The following NDST4 variants were observed in gnomAD, a reference collection of about 807,000 sequenced individuals.
The protein encoded by NDST4 is N-deacetylase and N-sulfotransferase 4, also known as N-heparan sulfate sulfotransferase 4.
A neutral mutation model predicts 100.8 loss-of-function variants in NDST4; 63 were observed. The ratio of observed to expected loss-of-function variants is 0.62; its 90% CI spans 0.51 to 0.77. The LOEUF (loss-of-function observed/expected upper bound fraction) is 0.77. Ranked by LOEUF, NDST4 falls within the 30% of genes least tolerant of loss-of-function variation. The probability of loss-of-function intolerance (pLI) is 0.00; values close to 1 mark genes in which losing one functional copy is unlikely to be tolerated. For synonymous variants in NDST4, 377 were observed against 361.8 expected (o/e 1.04, Z -0.48); for missense variants, 943 against 1,018.4 (o/e 0.93, Z 1.01).
At chr4:114,960,775 A>T (rs1726245644) in intron 4 of NDST4, among the ~76,000 whole-genome samples, 1 of 152,200 alleles carries the variant, frequency 6.6e-6, no homozygotes, top group African/African-American at 2.4e-5. Context: ...ATATTGAAGT[A>T]AGGAAGTAAC....
chr4:114,951,374 T>C (rs1361453822), intron 4 of NDST4, among the ~76,000 whole-genome samples: 1 of 152,086 alleles, frequency 6.6e-6, no homozygotes, highest in Non-Finnish European at 1.5e-5. Context: ...TTAGAATGTC[T>C]TGTTTCTGTT....
chr4:114,852,588 A>T, intron 8 of NDST4, 137 bp downstream of exon 8: 1 of 571,260 alleles, frequency 1.8e-6, no homozygotes. Context: ...TGGAGATGAC[A>T]AGCAGTTCAA....
At chr4:115,020,585 T>C (rs1346462537) in intron 2 of NDST4, among the ~76,000 whole-genome samples, 1 of 152,064 alleles carries the variant, frequency 6.6e-6, no homozygotes, top group South Asian at 2.1e-4. Context: ...AACTTTTGCA[T>C]GGCAGGAGGA....
chr4:114,994,407 GC>G (rs1161444941), intron 2 of NDST4, among the ~76,000 whole-genome samples: 1 of 151,868 alleles, frequency 6.6e-6, no homozygotes, highest in Non-Finnish European at 1.5e-5. Flanking sequence ...AAATCTCCTT[GC>G]TTTTTTTCTG....
chr4:115,039,451 T>G (rs1728302598), intron 2 of NDST4, among the ~76,000 whole-genome samples: 1 of 149,902 alleles, frequency 6.7e-6, no homozygotes, highest in Non-Finnish European at 1.5e-5. Context: ...AAAAAAAAAC[T>G]TGTTGGTCAA....
chr4:114,931,286 T>C (rs1725507888), intron 6 of NDST4, among the ~76,000 whole-genome samples: 1 of 151,802 alleles, frequency 6.6e-6, no homozygotes. Flanking sequence ...AAACAAATTA[T>C]TTAGAGGTGC....
chr4:115,097,799 A>C (rs1365607735), intron 1 of NDST4, among the ~76,000 whole-genome samples: 2 of 152,132 alleles, frequency 1.3e-5, no homozygotes, highest in Non-Finnish European at 2.9e-5. Flanking sequence ...ACACAGTTCT[A>C]CCAAGTATTC....
chr4:114,929,164 G>C (rs72681421), intron 6 of NDST4, among the ~76,000 whole-genome samples: 11,592 of 114,030 alleles, frequency 0.1, 493 homozygotes, highest in African/African-American at 0.14. Context: ...ATCTATCTAT[G>C]TATCTAAATC....
chr4:114,877,228 C>T (rs1337692611), intron 6 of NDST4, among the ~76,000 whole-genome samples: 1 of 152,096 alleles, frequency 6.6e-6, no homozygotes, highest in Non-Finnish European at 1.5e-5. Context: ...TTTTATTTAC[C>T]TGGTGAATTT....
At chr4:115,056,106 C>G (rs1177335876) in intron 2 of NDST4, among the ~76,000 whole-genome samples, 1 of 152,072 alleles carries the variant, frequency 6.6e-6, no homozygotes, top group Non-Finnish European at 1.5e-5. Flanking sequence ...AATTCCAGCA[C>G]TTCGTGAGGT....
chr4:115,091,931 TAC>T (rs930548169), intron 1 of NDST4, among the ~76,000 whole-genome samples: 4 of 152,106 alleles, frequency 2.6e-5, no homozygotes, highest in Non-Finnish European at 5.9e-5. Flanking sequence ...CATAAATGAG[TAC>T]TAAATAACAC....
chr4:114,986,826 A>ATTT lies in NDST4; in HGVS notation c.979-9553_979-9552insAAA, dbSNP rs1438396923. 1.4e-4 allele frequency among the ~76,000 whole-genome samples: 17 copies of ATTT among 117,320 alleles called. 1 individual carries two copies. Among genetic ancestry groups the ATTT allele is most frequent in the African/African-American group, 5.7e-4 (16 of 28,158 alleles). The allele number at this position is 117,320 out of a possible 152,430, so 77.0% of individuals were successfully genotyped here. On this transcript the variant is annotated intron_variant, in intron 2 of 13. Transcript: ENST00000264363. ...TATATATATATATATATATATATAT[A>ATTT]TATATATTTTAATATACTATTCCTA...
chr4:115,006,295 A>G (rs918087098), intron 2 of NDST4, among the ~76,000 whole-genome samples: 3 of 152,032 alleles, frequency 2.0e-5, no homozygotes, highest in African/African-American at 7.2e-5. Context: ...CCTCAAAGTA[A>G]TAGGGTGCCA....
intron 12 of NDST4, 31 bp from the exon 13 acceptor site, chr4:114,829,923 T>G: frequency 6.6e-7 from 1 of 1,519,708 alleles, no homozygotes; most frequent in South Asian, 1.2e-5. Flanking sequence ...TGATTACAAA[T>G]TGTATGCAGA....
At chr4:114,965,170 A>G (rs1726353392) in intron 4 of NDST4, among the ~76,000 whole-genome samples, 4 of 152,032 alleles carry the variant, frequency 2.6e-5, no homozygotes, top group Admixed American at 2.6e-4. Flanking sequence ...AGTTATTATC[A>G]GTTTTTTTCT....
intron 6 of NDST4, among the ~76,000 whole-genome samples, chr4:114,874,694 A>G (rs1368134382): frequency 1.3e-5 from 2 of 152,218 alleles, no homozygotes; most frequent in East Asian, 3.8e-4. Flanking sequence ...AAACAAACAA[A>G]TAAAACCTAT....
chr4:114,945,495 T>C (rs1398278613), intron 4 of NDST4, among the ~76,000 whole-genome samples: 1 of 152,174 alleles, frequency 6.6e-6, no homozygotes, highest in Admixed American at 6.5e-5. Context: ...TTGTTGGTAT[T>C]TGATAAATAA....
intron 7 of NDST4, among the ~76,000 whole-genome samples, chr4:114,868,331 T>C (rs1315440256): frequency 6.6e-6 from 1 of 152,142 alleles, no homozygotes; most frequent in Non-Finnish European, 1.5e-5. Flanking sequence ...TAAATAAAAC[T>C]AAGTTCATAT....
At chr4:115,011,544 C>G (rs1030245195) in intron 2 of NDST4, among the ~76,000 whole-genome samples, 1 of 151,586 alleles carries the variant, frequency 6.6e-6, no homozygotes, top group Non-Finnish European at 1.5e-5. Context: ...TCTTGTAAGA[C>G]CTATCATTGT....
Sources: gnomAD v4.1 joint callset for allele counts (sites outside exome capture counted in the v4.1 genomes callset) on GRCh38, gnomAD v4.1.1 for gene constraint, MANE v1.5 for transcripts, NCBI Gene and HGNC (gene_info 2026-07-23, HGNC 2026-07-21) for gene names.